Variants in PCDHGB4 observed in about 807,000 individuals in gnomAD.
The protein encoded by PCDHGB4 is protocadherin gamma-B4.
PCDHGB4 carries 38 observed loss-of-function variants against 60.5 expected under a neutral mutation model. That is an observed-to-expected ratio of 0.63 (90% CI 0.48 to 0.82). The LOEUF (loss-of-function observed/expected upper bound fraction) is 0.82, where lower values mean the gene tolerates loss of function less well. PCDHGB4 is among the 40% of genes least tolerant of loss of function. The pLI, the probability that PCDHGB4 is intolerant of heterozygous loss-of-function variation, is 0.00. For missense variants in PCDHGB4, 1,109 were observed against 1,209.6 expected, an observed-to-expected ratio of 0.92 and a Z score of 1.23; for synonymous variants, 456 against 509.7, an observed-to-expected ratio of 0.89 and a Z score of 1.42.
intron 1 of PCDHGB4, among the ~76,000 whole-genome samples, chr5:141,446,149 G>T (rs2098490670): frequency 6.6e-6 from 1 of 152,178 alleles, no homozygotes; most frequent in Non-Finnish European, 1.5e-5. Context: ...GGAATAGGTG[G>T]AATATAAATT....
chr5:141,460,511 A>G (rs533913282), intron 1 of PCDHGB4, among the ~76,000 whole-genome samples: 2 of 152,286 alleles, frequency 1.3e-5, no homozygotes, highest in Admixed American at 1.3e-4. Context: ...TGAGAAGGCT[A>G]TCTTTTCCCC....
intron 3 of PCDHGB4, among the ~76,000 whole-genome samples, 188 bp from the exon 4 acceptor site, chr5:141,510,759 G>A (rs1026623444): frequency 6.6e-5 from 10 of 152,172 alleles, no homozygotes; most frequent in African/African-American, 2.4e-4. Context: ...TCTCACTCCA[G>A]AGCCTCTTAA....
At chr5:141,398,983 C>T (rs2093734558) in intron 1 of PCDHGB4, 1 of 1,613,944 alleles carries the variant, frequency 6.2e-7, no homozygotes. Context: ...CAGAACCGGG[C>T]AAATCTTTAG....
At chr5:141,435,376 A>G (rs1358757887) in intron 1 of PCDHGB4, among the ~76,000 whole-genome samples, 1 of 152,200 alleles carries the variant, frequency 6.6e-6, no homozygotes, top group Non-Finnish European at 1.5e-5. Flanking sequence ...TAAATATACA[A>G]TATACCGTAT....
At chr5:141,428,049 G>A (rs770637382) in intron 1 of PCDHGB4, 16 of 1,608,954 alleles carry the variant, frequency 9.9e-6, no homozygotes, top group Non-Finnish European at 1.4e-5. Flanking sequence ...GGTGACCAAG[G>A]TGGTGGCGGT....
intron 1 of PCDHGB4, among the ~76,000 whole-genome samples, chr5:141,472,352 T>G (rs1364883510): frequency 6.6e-6 from 1 of 151,718 alleles, no homozygotes; most frequent in Non-Finnish European, 1.5e-5. Context: ...CCATCCTGGC[T>G]AACACGGTGA....
chr5:141,501,296 C>T (rs4912760), intron 2 of PCDHGB4, among the ~76,000 whole-genome samples: 1,659 of 80,026 alleles, frequency 0.021, 16 homozygotes, highest in African/African-American at 0.042. Flanking sequence ...CTTATACACA[C>T]ACACACACAC....
chr5:141,408,249 T>A, intron 1 of PCDHGB4: 1 of 1,589,992 alleles, frequency 6.3e-7, no homozygotes, highest in Non-Finnish European at 8.6e-7. Flanking sequence ...CCGCGGCAGG[T>A]GCTATTTCCT....
chr5:141,424,076 A>C, intron 1 of PCDHGB4: 2 of 979,452 alleles, frequency 2.0e-6, no homozygotes, highest in Non-Finnish European at 2.5e-6. Flanking sequence ...TTGTAGTTAT[A>C]TTCCACCATT....
At position 141,430,782 on chromosome 5, in the gene PCDHGB4, G is replaced by C. The variant is rs1220976669; in HGVS notation, c.2397+40501G>C. 2.0e-6 allele frequency: 3 copies of C among 1,510,858 alleles called. No individual in the cohort carries two copies. The East Asian group carries it at 6.9e-5, about 35-fold the overall frequency. 93.6% of individuals were successfully genotyped at this position (1,510,858 alleles called of 1,614,324 possible). A position where few individuals can be genotyped will look rare whatever the true frequency, so the allele number is the denominator to read the frequency against. ...AGAATGATTCCTGCGCGACTGCACC[G>C]GGACTACAAAGGGCTTGTCCTGCTG... On this transcript the variant is annotated intron_variant, in intron 1 of 3. Coordinates refer to ENST00000519479, the MANE Select transcript of PCDHGB4 (RefSeq NM_003736.4).
intron 1 of PCDHGB4, among the ~76,000 whole-genome samples, chr5:141,400,828 A>G (rs2094080616): frequency 6.6e-6 from 1 of 152,184 alleles, no homozygotes. Context: ...TCGTTGTCTC[A>G]TTCTTTAACA....
At chr5:141,465,338 G>C (rs908157154) in intron 1 of PCDHGB4, among the ~76,000 whole-genome samples, 6 of 151,962 alleles carry the variant, frequency 3.9e-5, no homozygotes, top group Admixed American at 2.6e-4. Context: ...TTTTATATTG[G>C]TTACTGAAGA....
Position 141,491,197 on chromosome 5 carries a change from G to A in PCDHGB4, c.2398-3610G>A. Reference sequence around the variant, plus strand: ...GGTGGTCCTGGTGAGGGACAATGGTGACCCTTCACTCTCCTCCACAGCCAC... The same window carrying A: ...GGTGGTCCTGGTGAGGGACAATGGTAACCCTTCACTCTCCTCCACAGCCAC... On this transcript the variant is annotated intron_variant, in intron 1 of 3. Coordinates refer to ENST00000519479, the MANE Select transcript of PCDHGB4 (RefSeq NM_003736.4). The surrounding 1 kb of genome is among the most constrained non-coding windows in gnomAD (Gnocchi z 6.9). 6.2e-7 allele frequency: 1 copy of A among 1,614,190 alleles called. No individual in the cohort carries two copies. The highest frequency in any genetic ancestry group is 8.5e-7 in the Non-Finnish European group (1 of 1,180,024).
At chr5:141,505,282 G>C (rs73280377) in intron 2 of PCDHGB4, 111 bp from the exon 3 acceptor site, 37,017 of 1,544,812 alleles carry the variant, frequency 0.024, 1,115 homozygotes, top group African/African-American at 0.15. Context: ...AACAGGTCTT[G>C]GGCATGGGGT....
At position 141,511,005 on chromosome 5, in the gene PCDHGB4, C is replaced by T; in HGVS notation, c.2604C>T (p.Ala868=). ...GGGAGTMGLS[A]RYGPQFTLQH... The stretch of plus-strand genomic sequence containing the variant: ...GTGCCGGCACCATGGGATTGAGCGC[C>T]CGCTACGGACCCCAGTTCACCCTGC... Residue 868 remains alanine, a synonymous_variant, in exon 4 of 4, where the codon GCC becomes GCT. Coordinates refer to ENST00000519479, the MANE Select transcript of PCDHGB4 (RefSeq NM_003736.4). The T allele has an allele frequency of 6.2e-7, 1 of 1,614,176 alleles. No individual in the cohort carries two copies.
chr5:141,429,528 A>T (rs1405050386), intron 1 of PCDHGB4, among the ~76,000 whole-genome samples: 1 of 152,166 alleles, frequency 6.6e-6, no homozygotes, highest in African/African-American at 2.4e-5. Context: ...AAAAAAGCTT[A>T]AAAAAATAAG....
rs1445356223 is a variant in PCDHGB4, at chr5:141,490,414, G to T, written c.2398-4393G>T. On this transcript the variant is annotated intron_variant, in intron 1 of 3. Transcript: ENST00000519479. This position sits in a 1 kb window ranked among gnomAD's most constrained non-coding sequence, Gnocchi z 5.4. ...TGAAGTGAGCCTTGATATCTCTCCGGACCTGCCATTTCAGATTAAGCCTTC... is the reference window on the plus strand; with the variant it reads ...TGAAGTGAGCCTTGATATCTCTCCGTACCTGCCATTTCAGATTAAGCCTTC... The T allele has an allele frequency of 1.2e-6, 2 of 1,614,138 alleles. No homozygotes were observed. The highest frequency in any genetic ancestry group is 1.7e-6 in the Non-Finnish European group (2 of 1,180,024).
intron 1 of PCDHGB4, among the ~76,000 whole-genome samples, chr5:141,456,033 G>A (rs1398584179): frequency 6.6e-6 from 1 of 151,884 alleles, no homozygotes; most frequent in Non-Finnish European, 1.5e-5. Flanking sequence ...GAGTAGCTGG[G>A]ACTACAGGCG....
In PCDHGB4 at chr5:141,455,477, C is replaced by T. The variant is rs557286491; in HGVS notation, c.2398-39330C>T. On this transcript the variant is annotated intron_variant, in intron 1 of 3. Coordinates refer to ENST00000519479, the MANE Select transcript of PCDHGB4 (RefSeq NM_003736.4). ...TACCAGCCAGGTATATATGCAGAGG[C>T]TGGTGGAGGTGATGTCTGATTTGCA... Among the ~76,000 whole-genome samples the T allele has an allele frequency of 1.2e-4, 18 of 152,252 alleles. No homozygotes were observed. The South Asian group carries it at 3.7e-3, about 32-fold the overall frequency.
Sources: allele counts gnomAD v4.1 joint callset (sites outside exome capture counted in the v4.1 genomes callset), GRCh38; gene constraint gnomAD v4.1.1; non-coding constraint Gnocchi (gnomAD v3.1); transcripts MANE v1.5; gene names NCBI Gene and HGNC (gene_info 2026-07-23, HGNC 2026-07-21).